The following PPP2R2B variants were observed in gnomAD, a reference collection of about 807,000 sequenced individuals.
PPP2R2B encodes the protein protein phosphatase 2 regulatory subunit Bbeta.
PPP2R2B carries 5 observed loss-of-function variants against 46.0 expected under a neutral mutation model. The ratio of observed to expected loss-of-function variants is 0.11; its 90% confidence interval spans 0.06 to 0.23. PPP2R2B has a LOEUF of 0.23. Among genes scored for constraint, PPP2R2B ranks in the 10% least tolerant of loss-of-function variants. PPP2R2B has a pLI of 1.00. For synonymous variants in PPP2R2B, 215 were observed against 206.7 expected (o/e 1.04, Z -0.34); for missense variants, 367 against 575.0 (o/e 0.64, Z 3.70).
Position 146,951,198 on chromosome 5 carries a change from G to A in PPP2R2B, c.79+104467C>T, listed in dbSNP as rs1764642526. Among the ~76,000 whole-genome samples, 7 of 151,786 alleles carry A rather than the reference G, an allele frequency of 4.6e-5. No individual in the cohort carries two copies. The South Asian group carries it at 1.5e-3, about 32-fold the overall frequency. On this transcript the variant is annotated intron_variant, in intron 1 of 8. Coordinates refer to the PPP2R2B transcript ENST00000336640. ...TTTTGTTTGTTTTTTTTTAATATCA[G>A]CTTTATTGAGGTATAATATACAATA...
chr5:146,932,001 T>G (rs1032253890), intron 1 of PPP2R2B, among the ~76,000 whole-genome samples: 11 of 152,210 alleles, frequency 7.2e-5, no homozygotes, highest in African/African-American at 2.7e-4. Flanking sequence ...AGCAATAATC[T>G]GAAATATTTC....
chr5:146,810,315 G>A lies in PPP2R2B; in HGVS notation c.70+67687C>T, dbSNP rs575325900. ...GAAAGTCACGTCTCATATGGTGGCG[G>A]GCAAGAGAAGACAATGAGAGCCGAG... On this transcript the variant is annotated intron_variant, in intron 2 of 9. Coordinates refer to ENST00000394411, the MANE Select transcript of PPP2R2B (RefSeq NM_181675.4). 5.7e-4 allele frequency among the ~76,000 whole-genome samples: 87 copies of A among 152,236 alleles called. 1 individual carries two copies. The highest frequency in any genetic ancestry group is 1.2e-3 in the Non-Finnish European group (81 of 68,022).
chr5:146,678,626 T>C (rs1233852219), intron 5 of PPP2R2B, among the ~76,000 whole-genome samples: 7 of 144,742 alleles, frequency 4.8e-5, no homozygotes, highest in African/African-American at 8.3e-5. Flanking sequence ...GATGACATGA[T>C]TGTATATCTA....
rs570141329 is a variant in PPP2R2B, at chr5:147,064,072, C to T, written c.50+16987G>A. ...ACCTTCCCCTGGGCGTGTCACACTGCTCACAGCAGCCTGCATGAGAGTTCT... is the reference window on the plus strand; with the variant it reads ...ACCTTCCCCTGGGCGTGTCACACTGTTCACAGCAGCCTGCATGAGAGTTCT... On this transcript the variant is annotated intron_variant, in intron 2 of 10. Coordinates refer to the PPP2R2B transcript ENST00000394413. Among the ~76,000 whole-genome samples the T allele has an allele frequency of 5.9e-5, 9 of 152,310 alleles. No homozygotes were observed. The South Asian group carries it at 1.9e-3, about 32-fold the overall frequency.
Position 147,031,496 on chromosome 5 carries a change from C to G in PPP2R2B, c.79+24169G>C, listed in dbSNP as rs575754646. The stretch of plus-strand genomic sequence containing the variant: ...GGCATTGCTTTTTTTTTTAATTTAT[C>G]TTGACTGGAGTTAATAACAGTTCTT... On this transcript the variant is annotated intron_variant, in intron 1 of 8. Coordinates refer to the PPP2R2B transcript ENST00000336640. Among the ~76,000 whole-genome samples, 145 of 146,500 alleles carry G rather than the reference C, an allele frequency of 9.9e-4. 2 individuals carry two copies. The highest frequency in any genetic ancestry group is 3.6e-3 in the African/African-American group (140 of 39,370).
At chr5:146,677,838 A>C (rs1777848938) in intron 5 of PPP2R2B, among the ~76,000 whole-genome samples, 2 of 152,058 alleles carry the variant, frequency 1.3e-5, no homozygotes, top group African/African-American at 4.8e-5. Flanking sequence ...CGCTGTGACT[A>C]TTTTCAAACC....
chr5:146,724,190 T>G (rs1008446730), intron 2 of PPP2R2B, among the ~76,000 whole-genome samples: 2 of 152,138 alleles, frequency 1.3e-5, no homozygotes, highest in Non-Finnish European at 2.9e-5. Flanking sequence ...GTTAAGCCCA[T>G]GGACTTAGGA....
chr5:146,648,415 C>A (rs529956924), intron 6 of PPP2R2B, among the ~76,000 whole-genome samples: 5 of 152,306 alleles, frequency 3.3e-5, no homozygotes, highest in Non-Finnish European at 7.4e-5. Context: ...CAGAGCTTTA[C>A]TATAACTCTT....
chr5:147,032,394 A>G (rs1313551839), intron 1 of PPP2R2B, among the ~76,000 whole-genome samples: 1 of 152,186 alleles, frequency 6.6e-6, no homozygotes, highest in South Asian at 2.1e-4. Flanking sequence ...AGGTGTGTCT[A>G]TCTCGTTTGG....
intron 5 of PPP2R2B, among the ~76,000 whole-genome samples, chr5:146,677,431 T>G (rs1329814353): frequency 3.9e-5 from 6 of 152,124 alleles, no homozygotes; most frequent in African/African-American, 7.2e-5. Flanking sequence ...CACCATTTTT[T>G]TTTGTTTGTT....
chr5:146,752,360 C>T (rs1052220840), intron 2 of PPP2R2B, among the ~76,000 whole-genome samples: 1 of 152,186 alleles, frequency 6.6e-6, no homozygotes, highest in African/African-American at 2.4e-5. Context: ...ATTCAGGTCT[C>T]CATCGAATGT....
chr5:147,008,064 C>T (rs1286845109), intron 1 of PPP2R2B, among the ~76,000 whole-genome samples: 1 of 152,102 alleles, frequency 6.6e-6, no homozygotes, highest in African/African-American at 2.4e-5. Flanking sequence ...TATTGAACAT[C>T]AATGAAATAA....
At chr5:146,715,957 ACT>A (rs1333499906) in intron 2 of PPP2R2B, among the ~76,000 whole-genome samples, 1 of 152,168 alleles carries the variant, frequency 6.6e-6, no homozygotes, top group East Asian at 1.9e-4. Flanking sequence ...AACTCCTCAG[ACT>A]CTCAAAGCAA....
At chr5:146,794,229 GTCT>G (rs1161150306) in intron 2 of PPP2R2B, among the ~76,000 whole-genome samples, 9 of 152,262 alleles carry the variant, frequency 5.9e-5, no homozygotes, top group African/African-American at 2.2e-4. Context: ...AAGGTCTTCA[GTCT>G]TCTTTTGTCA....
intron 5 of PPP2R2B, among the ~76,000 whole-genome samples, chr5:146,682,639 A>G (rs1778252954): frequency 6.6e-6 from 1 of 152,226 alleles, no homozygotes; most frequent in African/African-American, 2.4e-5. Flanking sequence ...GTGAGATGGT[A>G]CCTGCCTAGC....
intron 7 of PPP2R2B, among the ~76,000 whole-genome samples, chr5:146,606,183 G>C (rs1772250391): frequency 6.6e-6 from 1 of 152,222 alleles, no homozygotes; most frequent in Non-Finnish European, 1.5e-5. Context: ...GGACTCTGGG[G>C]ATAGGAGAAG....
chr5:146,775,690 C>T (rs892207503), intron 2 of PPP2R2B, among the ~76,000 whole-genome samples: 4 of 152,182 alleles, frequency 2.6e-5, no homozygotes, highest in Admixed American at 6.5e-5. Flanking sequence ...AAACTATCTT[C>T]GCCTGCAGAT....
At chr5:146,757,939 G>A (rs774258483) in intron 2 of PPP2R2B, among the ~76,000 whole-genome samples, 14 of 152,128 alleles carry the variant, frequency 9.2e-5, no homozygotes, top group African/African-American at 2.2e-4. Flanking sequence ...AGGCTTGGTC[G>A]CCTGAAATGA....
chr5:146,747,916 T>C (rs1015677435), intron 2 of PPP2R2B, among the ~76,000 whole-genome samples: 2 of 152,272 alleles, frequency 1.3e-5, no homozygotes, highest in African/African-American at 4.8e-5. Flanking sequence ...AAGGGTGATA[T>C]GAACTGAGGT....
Sources: gnomAD v4.1 joint callset for allele counts (sites outside exome capture counted in the v4.1 genomes callset) on GRCh38, gnomAD v4.1.1 for gene constraint, MANE v1.5 for transcripts, NCBI Gene and HGNC (gene_info 2026-07-23, HGNC 2026-07-21) for gene names.